The following IGF2R variants were observed in gnomAD, a reference collection of about 807,000 sequenced individuals.
IGF2R encodes the protein insulin like growth factor 2 receptor, also known as cation-independent mannose-6-phosphate receptor.
In IGF2R, 91 loss-of-function variants were observed where a neutral mutation model predicts 270.6. That is an observed-to-expected ratio of 0.34 (90% CI 0.28 to 0.40). IGF2R has a LOEUF of 0.40. Among genes scored for constraint, IGF2R ranks in the 10% least tolerant of loss-of-function variants. The pLI, the probability that IGF2R is intolerant of heterozygous loss-of-function variation, is 1.00. For synonymous variants in IGF2R, 1,316 were observed against 1,258.9 expected (o/e 1.05, Z -0.96); for missense variants, 2,805 against 3,188.3 (o/e 0.88, Z 2.90).
intron 2 of IGF2R, among the ~76,000 whole-genome samples, chr6:159,994,846 T>G (rs2115186451): frequency 6.6e-6 from 1 of 152,316 alleles, no homozygotes; most frequent in East Asian, 1.9e-4. Flanking sequence ...GTACTGAGAC[T>G]GTTCTGTGGC....
At position 160,107,365 on chromosome 6, in the gene IGF2R, C is replaced by G. The variant is rs1779644472; in HGVS notation, c.*2281C>G. The G allele has an allele frequency of 6.6e-6, 1 of 152,356 alleles. No individual in the cohort carries two copies. The highest frequency in any genetic ancestry group is 2.1e-4 in the South Asian group (1 of 4,824). 9.4% of individuals were successfully genotyped at this position (152,356 alleles called of 1,614,324 possible). ...TGTTGTCTGCACCACTGGCTGCCTG[C>G]TAATGTCGCTGTCAGTGGGGAAGGA... is the stretch of plus-strand genomic sequence containing the variant. On this transcript the variant is annotated 3_prime_UTR_variant, in exon 48 of 48. Transcript: ENST00000356956.
chr6:159,973,175 C>G (rs1783638085), intron 1 of IGF2R, among the ~76,000 whole-genome samples: 1 of 152,060 alleles, frequency 6.6e-6, no homozygotes, highest in African/African-American at 2.4e-5. Context: ...GAGCAGAGGC[C>G]AGGCCATGCA....
intron 28 of IGF2R, 119 bp from the exon 29 acceptor site, chr6:160,064,685 C>T (rs1020843137): frequency 1.1e-5 from 12 of 1,090,872 alleles, no homozygotes; most frequent in Admixed American, 8.3e-5. Flanking sequence ...AAACTTTCAT[C>T]AGTTAGTATT....
chr6:159,978,653 TA>T (rs372542236), intron 1 of IGF2R, among the ~76,000 whole-genome samples: 30 of 146,316 alleles, frequency 2.1e-4, no homozygotes, highest in South Asian at 2.2e-4. Flanking sequence ...CTGTGCAACT[TA>T]AAAAAAAAAA....
chr6:160,032,205 A>G lies in IGF2R; in HGVS notation c.883-346A>G, dbSNP rs114459716. On this transcript the variant is annotated intron_variant, in intron 7 of 47. Transcript: ENST00000356956. ...GCCTGTTAGCGCTTGCCGATGTCCT[A>G]GTGATTGCCACGTGCCACTGAGTCC... is the stretch of plus-strand genomic sequence containing the variant. Among the ~76,000 whole-genome samples the G allele has an allele frequency of 3.9e-3, 595 of 152,316 alleles. 5 individuals carry two copies. The highest frequency in any genetic ancestry group is 0.014 in the African/African-American group (571 of 41,570).
At chr6:160,070,869 G>C (rs1778704422) in intron 31 of IGF2R, among the ~76,000 whole-genome samples, 1 of 152,334 alleles carries the variant, frequency 6.6e-6, no homozygotes, top group South Asian at 2.1e-4. Flanking sequence ...GGAGCGGCAG[G>C]GAAGTTTCCT....
In IGF2R at chr6:160,080,160, C is replaced by T; in HGVS notation, c.5718C>T (p.Pro1906=). 13 of 1,614,136 alleles carry T rather than the reference C, an allele frequency of 8.1e-6. No homozygotes were observed. The highest frequency in any genetic ancestry group is 1.1e-5 in the Non-Finnish European group (13 of 1,179,964). ...ATGACGGCGTCCCCTGTGTCTTCCCCTTCATATTCAATGGGAAGAGCTACG... is the reference window on the plus strand; with the variant it reads ...ATGACGGCGTCCCCTGTGTCTTCCCTTTCATATTCAATGGGAAGAGCTACG... ...ETDDGVPCVF[P]FIFNGKSYEE... is the part of the protein sequence containing the mutation. Residue 1906 remains proline (P), a synonymous_variant, in exon 39 of 48, where the codon CCC becomes CCT. Coordinates refer to ENST00000356956, the MANE Select transcript of IGF2R (RefSeq NM_000876.4).
chr6:160,043,595 A>G (rs1777995868), intron 12 of IGF2R, among the ~76,000 whole-genome samples: 2 of 152,242 alleles, frequency 1.3e-5, no homozygotes, highest in East Asian at 3.8e-4. Context: ...GTGTTTGTGT[A>G]CAAGTGATTT....
At chr6:159,977,783 G>A (rs1474355932) in intron 1 of IGF2R, among the ~76,000 whole-genome samples, 1 of 152,148 alleles carries the variant, frequency 6.6e-6, no homozygotes, top group African/African-American at 2.4e-5. Context: ...CTTTCCGTGT[G>A]TGTCCAGTCA....
chr6:159,995,169 C>T (rs1342235868), intron 2 of IGF2R, among the ~76,000 whole-genome samples: 3 of 151,828 alleles, frequency 2.0e-5, no homozygotes, highest in East Asian at 1.9e-4. Context: ...TTGAATTGAT[C>T]CCGTTATCAT....
At chr6:160,092,251 G>C (rs9457831) in intron 44 of IGF2R, among the ~76,000 whole-genome samples, 15,375 of 130,136 alleles carry the variant, frequency 0.12, 1,286 homozygotes, top group East Asian at 0.37. Context: ...CACCGCTGGT[G>C]TGTCTGCAGG....
In IGF2R at chr6:160,083,961, C is replaced by T. The variant is rs1232823214; in HGVS notation, c.5845C>T (p.Arg1949Trp). The T allele has an allele frequency of 5.0e-6, 8 of 1,612,914 alleles. No individual in the cohort carries two copies. The highest frequency in any genetic ancestry group is 2.2e-5 in the East Asian group (1 of 44,882). Residue 1949 changes from arginine to tryptophan, a missense_variant, in exon 40 of 48, where the codon CGG becomes TGG. Arg to Trp is a moderately radical substitution (Grantham distance 101, BLOSUM62 -3). Transcript: ENST00000356956. Reference protein sequence around the residue: ...WGFCRHSNSYRTSSIIFKCDE... With the variant: ...WGFCRHSNSYWTSSIIFKCDE... ...CCTACACTCCCCAGCAAACAGCTAC[C>T]GGACATCCAGCATCATATTTAAGTG...
Position 160,104,676 on chromosome 6 carries a change from G to C in IGF2R, c.7068G>C (p.Val2356=), listed in dbSNP as rs185172347. The stretch of plus-strand genomic sequence containing the variant: ...TCTCTGCTGTTGATCCCTGGCAGGT[G>C]AATAAGGAAGAAGAGACAGATGAGA... The part of the protein sequence containing the change: ...SSNVSYKYSK[V]NKEEETDENE... Residue 2356 remains valine (V), a splice_region_variant and synonymous_variant, in exon 48 of 48, where the codon GTG becomes GTC. Coordinates refer to ENST00000356956, the MANE Select transcript of IGF2R (RefSeq NM_000876.4). 9.9e-6 allele frequency: 16 copies of C among 1,611,124 alleles called. No individual in the cohort carries two copies. In the East Asian group the frequency reaches 3.6e-4, roughly 36 times the overall value.
intron 4 of IGF2R, among the ~76,000 whole-genome samples, chr6:160,021,970 C>T (rs1370024103): frequency 4.6e-5 from 7 of 150,906 alleles, no homozygotes; most frequent in South Asian, 4.2e-4. Context: ...AGCAAAGATA[C>T]GGAATAAACG....
rs530025635 is a variant in IGF2R at position 160,060,489 on chromosome 6, T to C, written c.3092-58T>C. 1.2e-5 allele frequency: 18 copies of C among 1,561,186 alleles called. No individual in the cohort carries two copies. In the South Asian group the frequency reaches 1.6e-4, roughly 14 times the overall value. On this transcript the variant is annotated intron_variant, in intron 22 of 47. Coordinates refer to ENST00000356956, the MANE Select transcript of IGF2R (RefSeq NM_000876.4). ...TTGTCCTGTTGCTGCACTGTGCTTG[T>C]GGGCTGCGCCATGAATACTGTTCTG...
chr6:160,047,756 T>G, intron 16 of IGF2R, 36 bp from the exon 17 acceptor site: 1 of 1,291,586 alleles, frequency 7.7e-7, no homozygotes, highest in Non-Finnish European at 1.1e-6. Context: ...TGTCTTTCTC[T>G]TTTTGCCATC....
rs1008447129 is a variant in IGF2R, at chr6:160,069,783, G to A, written c.4253-85G>A. 63 of 1,212,704 alleles carry A rather than the reference G, an allele frequency of 5.2e-5. No individual in the cohort carries two copies. In the South Asian group the frequency reaches 5.4e-4, roughly 10 times the overall value. The allele number at this position is 1,212,704 out of a possible 1,614,324, so 75.1% of individuals were successfully genotyped here. A position where few individuals can be genotyped will look rare whatever the true frequency, so the allele number is the denominator to read the frequency against. Reference sequence around the variant, plus strand: ...TAGAAAGCGTATGAAGTTCTGCAGCGTGTGTGACATTTATTGCCTGATGAA... The same window carrying A: ...TAGAAAGCGTATGAAGTTCTGCAGCATGTGTGACATTTATTGCCTGATGAA... On this transcript the variant is annotated intron_variant, in intron 30 of 47. Coordinates refer to ENST00000356956, the MANE Select transcript of IGF2R (RefSeq NM_000876.4).
chr6:160,094,883 G>A (rs1779313869), intron 44 of IGF2R: 1 of 138,308 alleles, frequency 7.2e-6, no homozygotes, highest in Non-Finnish European at 1.5e-5. Flanking sequence ...GGGCGACAGA[G>A]CGAGACTCCA....
chr6:160,010,755 C>T lies in IGF2R; in HGVS notation c.483C>T (p.Cys161=), dbSNP rs1337321779. The change falls in exon 4 of 48, where the codon TGC becomes TGT. Residue 161 remains cysteine, a synonymous_variant. Coordinates refer to ENST00000356956, the MANE Select transcript of IGF2R (RefSeq NM_000876.4). ...HYFEWRTTAA[C]KKDIFKANKE... ...TTGAGTGGAGGACCACTGCAGCCTG[C>T]AAGAAAGACATATTTAAAGCAAATA... 1 of 1,610,482 alleles carries T rather than the reference C, an allele frequency of 6.2e-7. No individual in the cohort carries two copies.
Sources: gnomAD v4.1 joint callset for allele counts (sites outside exome capture counted in the v4.1 genomes callset) on GRCh38, gnomAD v4.1.1 for gene constraint, MANE v1.5 for transcripts, NCBI Gene and HGNC (gene_info 2026-07-23, HGNC 2026-07-21) for gene names.